HS1BP3: variants seen among roughly 807,000 people sequenced by gnomAD.
HS1BP3 encodes the protein HCLS1 binding protein 3.
A neutral mutation model predicts 33.5 loss-of-function variants in HS1BP3; 32 were observed. The ratio of observed to expected loss-of-function variants is 0.95; its 90% CI spans 0.72 to 1.28. The LOEUF (loss-of-function observed/expected upper bound fraction) is 1.28, where lower values mean the gene tolerates loss of function less well. Ranked by LOEUF, HS1BP3 falls within the 50% of genes most tolerant of loss-of-function variation. The probability of loss-of-function intolerance (pLI) is 0.00; values close to 1 mark genes in which losing one functional copy is unlikely to be tolerated. For missense variants in HS1BP3, 486 were observed against 502.3 expected (o/e 0.97, Z 0.31); for synonymous variants, 187 against 209.2 (o/e 0.89, Z 0.92).
At chr2:20,596,638 T>C (rs566354607) in intron 3 of HS1BP3, among the ~76,000 whole-genome samples, 1 of 152,340 alleles carries the variant, frequency 6.6e-6, no homozygotes, top group South Asian at 2.1e-4. Flanking sequence ...GCAGTTTTTA[T>C]AGCAGCTTGA....
intron 3 of HS1BP3, among the ~76,000 whole-genome samples, chr2:20,597,464 A>T (rs1165225458): frequency 6.6e-6 from 1 of 152,048 alleles, no homozygotes; most frequent in East Asian, 1.9e-4. Context: ...TTCACCTTCC[A>T]CGTTGGCGTT....
chr2:20,565,079 G>A lies in HS1BP3; in HGVS notation c.303-4564C>T, dbSNP rs549160613. 1.8e-4 allele frequency among the ~76,000 whole-genome samples: 28 copies of A among 152,300 alleles called. No individual in the cohort carries two copies. The South Asian group carries it at 4.1e-3, about 23-fold the overall frequency. ...ACCTGCCAAATGCTGGAGCTTGAGA[G>A]CAGGTTACCCACTTCTTCCCAGCAG... On this transcript the variant is annotated intron_variant, in intron 5 of 5. Transcript: ENST00000446825.
intron 4 of HS1BP3, among the ~76,000 whole-genome samples, chr2:20,631,094 A>G (rs1694952819): frequency 6.6e-6 from 1 of 152,168 alleles, no homozygotes; most frequent in African/African-American, 2.4e-5. Context: ...GCAAGCTGCC[A>G]AGTGGGTCCT....
intron 3 of HS1BP3, among the ~76,000 whole-genome samples, chr2:20,596,964 G>C (rs970246373): frequency 2.6e-5 from 4 of 152,168 alleles, no homozygotes; most frequent in Non-Finnish European, 5.9e-5. Context: ...TGGGCAACTT[G>C]AATGTGTTTA....
intron 2 of HS1BP3, among the ~76,000 whole-genome samples, chr2:20,605,093 T>C (rs1244382739): frequency 2.0e-5 from 3 of 152,244 alleles, no homozygotes; most frequent in Non-Finnish European, 2.9e-5. Context: ...AAATGTTTCC[T>C]GCCAAACCAG....
At chr2:20,578,955 C>T (rs1693465024) in intron 5 of HS1BP3, among the ~76,000 whole-genome samples, 1 of 152,182 alleles carries the variant, frequency 6.6e-6, no homozygotes, top group Non-Finnish European at 1.5e-5. Flanking sequence ...TTTCTGAAAC[C>T]TCTGTTGAAG....
At chr2:20,574,395 G>A (rs1396119370) in intron 5 of HS1BP3, among the ~76,000 whole-genome samples, 1 of 152,200 alleles carries the variant, frequency 6.6e-6, no homozygotes, top group Non-Finnish European at 1.5e-5. Context: ...TGAAAATCTT[G>A]TAGTGTTTGA....
At chr2:20,577,990 G>T (rs566919920) in intron 5 of HS1BP3, among the ~76,000 whole-genome samples, 3 of 152,364 alleles carry the variant, frequency 2.0e-5, no homozygotes, top group South Asian at 4.1e-4. Context: ...TGAGTAGGTT[G>T]TGGCCAGGGG....
At chr2:20,639,489 T>A (rs1421357478) in intron 3 of HS1BP3, among the ~76,000 whole-genome samples, 1 of 152,230 alleles carries the variant, frequency 6.6e-6, no homozygotes, top group Non-Finnish European at 1.5e-5. Flanking sequence ...GCTTACTGGG[T>A]AGTTTAAAAC....
chr2:20,622,442 A>G (rs1378976048), intron 6 of HS1BP3: 1 of 633,740 alleles, frequency 1.6e-6, no homozygotes, highest in Admixed American at 2.4e-5. Flanking sequence ...GCGGGATGCT[A>G]AGGGGCACCA....
chr2:20,642,873 G>C (rs983646786), intron 2 of HS1BP3, among the ~76,000 whole-genome samples: 4 of 152,220 alleles, frequency 2.6e-5, no homozygotes, highest in Non-Finnish European at 5.9e-5. Context: ...GGGGCAGACA[G>C]CCCTGTAACG....
At chr2:20,622,912 C>G (rs1181316406) in intron 6 of HS1BP3, 1 of 155,694 alleles carries the variant, frequency 6.4e-6, no homozygotes, top group Non-Finnish European at 1.4e-5. Flanking sequence ...TTGGCGGGCA[C>G]TTGCAGGGCT....
chr2:20,638,790 C>T (rs554549032), intron 3 of HS1BP3, 138 bp from the exon 4 acceptor site: 7 of 660,248 alleles, frequency 1.1e-5, no homozygotes, highest in African/African-American at 9.1e-5. Flanking sequence ...ACTCGTCCCT[C>T]CTGGGACCTA....
intron 1 of HS1BP3, 33 bp downstream of exon 1, chr2:20,650,999 C>T: frequency 8.1e-7 from 1 of 1,235,068 alleles, no homozygotes. Flanking sequence ...GGACTGCGAG[C>T]TGTGCGGTGT....
chr2:20,574,339 T>A (rs1490155506), intron 5 of HS1BP3, among the ~76,000 whole-genome samples: 2 of 152,214 alleles, frequency 1.3e-5, no homozygotes, highest in Admixed American at 1.3e-4. Context: ...AAATCACAAT[T>A]TATGAGTTCA....
At chr2:20,636,793 G>A (rs959586446) in intron 4 of HS1BP3, 1 of 152,196 alleles carries the variant, frequency 6.6e-6, no homozygotes, top group East Asian at 1.9e-4. Flanking sequence ...CAGATATAAT[G>A]AGATCATGCA....
At chr2:20,622,725 C>T (rs756479731) in intron 6 of HS1BP3, 32 of 187,854 alleles carry the variant, frequency 1.7e-4, no homozygotes, top group Admixed American at 1.4e-3. Context: ...CCTGCTGCTC[C>T]GCAGGCAGAC....
rs1558349553 is a variant in HS1BP3 at position 20,640,990 on chromosome 2, TCTGGGCTGCCTG to T, written c.377_388del (p.Ala126_Pro129del). Reference sequence around the variant, plus strand: ...TTGGGTACCTAAGAACTCTAGCAGCTCTGGGCTGCCTGCCAACTCGGCATCCTTGGAGACACA... The same window carrying T: ...TTGGGTACCTAAGAACTCTAGCAGCTCCAACTCGGCATCCTTGGAGACACA... On this transcript the variant is annotated inframe_deletion, in exon 3 of 7. Coordinates refer to ENST00000304031, the MANE Select transcript of HS1BP3 (RefSeq NM_022460.4). 1.9e-6 allele frequency: 3 copies of T among 1,614,142 alleles called. No individual in the cohort carries two copies. In the Admixed American group the frequency reaches 5.0e-5, roughly 27 times the overall value.
chr2:20,561,787 G>C (rs1259941669), intron 5 of HS1BP3, among the ~76,000 whole-genome samples: 1 of 152,120 alleles, frequency 6.6e-6, no homozygotes, highest in Admixed American at 6.5e-5. Flanking sequence ...AGAGTGATGA[G>C]TATCTTTTTT....
Sources: gnomAD v4.1 joint callset for allele counts (sites outside exome capture counted in the v4.1 genomes callset) on GRCh38, gnomAD v4.1.1 for gene constraint, MANE v1.5 for transcripts, NCBI Gene and HGNC (gene_info 2026-07-23, HGNC 2026-07-21) for gene names.